The following ADAMTSL1 variants were observed in gnomAD, a reference collection of about 807,000 sequenced individuals.
The protein encoded by ADAMTSL1 is ADAMTS-like protein 1.
ADAMTSL1 carries 126 observed loss-of-function variants against 201.8 expected under a neutral mutation model. That is an observed-to-expected ratio of 0.62 (90% confidence interval 0.54 to 0.72). The LOEUF (loss-of-function observed/expected upper bound fraction) is 0.72. Among genes scored for constraint, ADAMTSL1 ranks in the 30% least tolerant of loss-of-function variants. The pLI is 0.00. For missense variants in ADAMTSL1, 2,679 were observed against 2,277.8 expected, an observed-to-expected ratio of 1.18 and a Z score of -3.59; for synonymous variants, 1,121 against 903.4, an observed-to-expected ratio of 1.24 and a Z score of -4.32.
chr9:18,710,772 T>C (rs184724139), intron 14 of ADAMTSL1, among the ~76,000 whole-genome samples: 22 of 151,606 alleles, frequency 1.5e-4, no homozygotes, highest in African/African-American at 5.1e-4. Context: ...TTGGTCAATT[T>C]AAATACTGTG....
At chr9:18,589,370 C>A (rs960007551) in intron 4 of ADAMTSL1, among the ~76,000 whole-genome samples, 10 of 152,094 alleles carry the variant, frequency 6.6e-5, no homozygotes, top group African/African-American at 2.4e-4. Context: ...ATTTATTTTT[C>A]AAATTGATCA....
At chr9:18,153,890 A>G (rs1827030858) in intron 1 of ADAMTSL1, among the ~76,000 whole-genome samples, 1 of 152,036 alleles carries the variant, frequency 6.6e-6, no homozygotes, top group Non-Finnish European at 1.5e-5. Flanking sequence ...GACACCATCC[A>G]TTAAGATGGA....
intron 1 of ADAMTSL1, among the ~76,000 whole-genome samples, chr9:18,141,306 A>C (rs2132006126): frequency 6.6e-6 from 1 of 152,302 alleles, no homozygotes; most frequent in Non-Finnish European, 1.5e-5. Flanking sequence ...GAACATGTTA[A>C]GGCAGCAGTG....
intron 1 of ADAMTSL1, among the ~76,000 whole-genome samples, chr9:18,133,625 C>A (rs1451515502): frequency 1.3e-5 from 2 of 152,058 alleles, no homozygotes; most frequent in Non-Finnish European, 2.9e-5. Context: ...AAGTAATGGA[C>A]CCCATTCAAG....
chr9:18,696,886 T>C (rs920940612), intron 13 of ADAMTSL1, among the ~76,000 whole-genome samples: 1 of 149,204 alleles, frequency 6.7e-6, no homozygotes, highest in African/African-American at 2.5e-5. Flanking sequence ...ATTATTATTA[T>C]TATTATTATT....
chr9:18,513,632 T>C (rs183831973), intron 2 of ADAMTSL1, among the ~76,000 whole-genome samples: 8 of 152,344 alleles, frequency 5.3e-5, no homozygotes, highest in Non-Finnish European at 1.2e-4. Context: ...TCAAGTCTTA[T>C]ATTTAAGTCT....
chr9:18,195,590 A>C (rs554875931), intron 2 of ADAMTSL1, among the ~76,000 whole-genome samples: 1 of 152,258 alleles, frequency 6.6e-6, no homozygotes, highest in African/African-American at 2.4e-5. Flanking sequence ...GTAATGATAC[A>C]TTTGCAAGGA....
intron 2 of ADAMTSL1, among the ~76,000 whole-genome samples, chr9:18,318,842 G>C (rs894622999): frequency 6.6e-6 from 1 of 152,150 alleles, no homozygotes; most frequent in African/African-American, 2.4e-5. Context: ...ATGCCAAGCT[G>C]TATGCCAAGT....
intron 1 of ADAMTSL1, among the ~76,000 whole-genome samples, chr9:18,153,258 C>T (rs1827000046): frequency 6.6e-6 from 1 of 151,954 alleles, no homozygotes; most frequent in Non-Finnish European, 1.5e-5. Flanking sequence ...ACATGACTGG[C>T]ATCAAGAAAT....
Position 18,680,303 on chromosome 9 carries a change from C to T in ADAMTSL1, c.1137-9C>T. 1 of 1,613,570 alleles carries T rather than the reference C, an allele frequency of 6.2e-7. No homozygotes were observed. Among genetic ancestry groups the T allele is most frequent in the Non-Finnish European group, 8.5e-7 (1 of 1,179,802 alleles). ...ATGTCTGCCCTGATGACTCCCCTTG[C>T]TTCTGTAGGTGGGAGGCCACCCCAT... On this transcript the variant is annotated splice_polypyrimidine_tract_variant and intron_variant, in intron 10 of 28. Coordinates refer to ENST00000380548, the MANE Select transcript of ADAMTSL1 (RefSeq NM_001040272.6).
intron 8 of ADAMTSL1, among the ~76,000 whole-genome samples, chr9:18,661,187 C>G (rs1829068134): frequency 6.6e-6 from 1 of 152,050 alleles, no homozygotes; most frequent in South Asian, 2.1e-4. Flanking sequence ...TATTACTCAA[C>G]AATACTTTTT....
chr9:18,309,697 T>C (rs1394450990), intron 2 of ADAMTSL1, among the ~76,000 whole-genome samples: 3 of 151,164 alleles, frequency 2.0e-5, no homozygotes, highest in East Asian at 1.9e-4. Flanking sequence ...CACAAACAAA[T>C]AGAAAAGCAT....
Position 18,892,546 on chromosome 9 carries a change from G to A in ADAMTSL1, c.4801G>A (p.Ala1601Thr), listed in dbSNP as rs1829349564. ...QVAKRPVDTQ[A>T]CNQQLCVEWA... The stretch of plus-strand genomic sequence containing the variant: ...CGCCAAGCGGCCTGTGGACACCCAG[G>A]CCTGTAACCAGCAGCTGTGTGTGGA... The change falls in exon 26 of 29, where the codon GCC becomes ACC. Residue 1601 changes from alanine (A) to threonine (T), a missense_variant. Coordinates refer to ENST00000380548, the MANE Select transcript of ADAMTSL1 (RefSeq NM_001040272.6). The A allele has an allele frequency of 6.3e-7, 1 of 1,581,866 alleles. No individual in the cohort carries two copies. Among genetic ancestry groups the A allele is most frequent in the Non-Finnish European group, 8.6e-7 (1 of 1,163,880 alleles).
chr9:18,482,407 G>C (rs1821774183), intron 1 of ADAMTSL1, among the ~76,000 whole-genome samples: 1 of 152,150 alleles, frequency 6.6e-6, no homozygotes, highest in Non-Finnish European at 1.5e-5. Context: ...TGCTTTTTCA[G>C]ATTTTTTTCC....
At chr9:18,480,824 A>G (rs991733250) in intron 1 of ADAMTSL1, among the ~76,000 whole-genome samples, 1 of 152,158 alleles carries the variant, frequency 6.6e-6, no homozygotes, top group Non-Finnish European at 1.5e-5. Context: ...TCAGTACTAC[A>G]GGGAAAATAG....
intron 3 of ADAMTSL1, among the ~76,000 whole-genome samples, chr9:18,539,607 T>C (rs1820004537): frequency 6.6e-6 from 1 of 152,182 alleles, no homozygotes; most frequent in Non-Finnish European, 1.5e-5. Flanking sequence ...TTCTATGACA[T>C]CTCATCTTCG....
At chr9:17,932,925 G>A (rs947234400) in intron 1 of ADAMTSL1, among the ~76,000 whole-genome samples, 1 of 152,004 alleles carries the variant, frequency 6.6e-6, no homozygotes, top group African/African-American at 2.4e-5. Context: ...TCTTCAAGTG[G>A]TTTCGACTTC....
intron 4 of ADAMTSL1, among the ~76,000 whole-genome samples, chr9:18,606,771 A>T (rs1051801268): frequency 4.4e-4 from 67 of 152,006 alleles, no homozygotes; most frequent in African/African-American, 1.5e-3. Flanking sequence ...CTTCCCCCCC[A>T]GTTTTCTTAT....
chr9:17,934,796 C>G (rs923308804), intron 1 of ADAMTSL1, among the ~76,000 whole-genome samples: 1 of 151,818 alleles, frequency 6.6e-6, no homozygotes, highest in Non-Finnish European at 1.5e-5. Context: ...CCATTTCCCC[C>G]ACAAAGACCC....
Sources: allele counts gnomAD v4.1 joint callset (sites outside exome capture counted in the v4.1 genomes callset), GRCh38; gene constraint gnomAD v4.1.1; transcripts MANE v1.5; gene names NCBI Gene and HGNC (gene_info 2026-07-23, HGNC 2026-07-21).